Variants in MYPN observed in about 807,000 individuals in gnomAD.
MYPN encodes the protein myopalladin.
MYPN carries 63 observed loss-of-function variants against 129.4 expected under a neutral mutation model. That is an observed-to-expected ratio of 0.49 (90% confidence interval 0.40 to 0.60). MYPN has a LOEUF of 0.60. MYPN is among the 20% of genes least tolerant of loss of function. MYPN has a pLI of 0.00. For missense variants in MYPN, 1,596 were observed against 1,635.4 expected, an observed-to-expected ratio of 0.98 and a Z score of 0.42; for synonymous variants, 629 against 600.9, an observed-to-expected ratio of 1.05 and a Z score of -0.68.
intron 2 of MYPN, among the ~76,000 whole-genome samples, chr10:68,131,328 G>C (rs983973225): frequency 6.6e-6 from 1 of 151,672 alleles, no homozygotes; most frequent in African/African-American, 2.4e-5. Context: ...TGTGGGGGTT[G>C]CAGTGAGCCG....
chr10:68,190,129 A>AT (rs35612639), intron 13 of MYPN, among the ~76,000 whole-genome samples: 27,825 of 151,786 alleles, frequency 0.18, 2,943 homozygotes, highest in Middle Eastern at 0.26. Context: ...AATGTTGAAC[A>AT]TTTTTTCATA....
rs749986338 is a variant in MYPN at position 68,145,505 on chromosome 10, C to T, written c.1109C>T (p.Pro370Leu). The change falls in exon 4 of 20, where the codon CCT becomes CTT. Residue 370 changes from proline to leucine, a missense_variant. Pro to Leu is a moderately conservative substitution (Grantham distance 98, BLOSUM62 -3). Transcript: ENST00000358913. ...GVSSSDSEGD[P>L]NKEEMNRIQK... ...TCTTCTTCTGACTCAGAAGGCGACC[C>T]TAACAAGGAAGAGATGAATCGGTAA... is the stretch of plus-strand genomic sequence containing the variant. The T allele has an allele frequency of 3.7e-6, 6 of 1,613,142 alleles. No individual in the cohort carries two copies. The East Asian group carries it at 1.3e-4, about 36-fold the overall frequency.
At chr10:68,166,220 T>C (rs1411063233) in intron 9 of MYPN, 74 bp from the exon 10 acceptor site, 28 of 1,575,658 alleles carry the variant, frequency 1.8e-5, no homozygotes, top group Non-Finnish European at 2.4e-5. Flanking sequence ...GTGTGAACAC[T>C]TTCCCATTTG....
At position 68,167,833 on chromosome 10, in the gene MYPN, C is replaced by T. The variant is rs2043077563; in HGVS notation, c.1973+1167C>T. Among the ~76,000 whole-genome samples the T allele has an allele frequency of 2.0e-5, 3 of 152,236 alleles. No individual in the cohort carries two copies. In the South Asian group the frequency reaches 6.2e-4, roughly 32 times the overall value. On this transcript the variant is annotated intron_variant, in intron 10 of 19. Coordinates refer to ENST00000358913, the MANE Select transcript of MYPN (RefSeq NM_032578.4). ...TCAAAGTCCTGTCAGTCACAGGAAA[C>T]AGGAATCCACTTAAAGTAAAAAGAG...
Position 68,145,617 on chromosome 10 carries a change from AGG to A in MYPN, c.1130+93_1130+94del, listed in dbSNP as rs1330669687. 8 of 1,084,454 alleles carry A rather than the reference AGG, an allele frequency of 7.4e-6. No homozygotes were observed. The East Asian group carries it at 1.9e-4, about 26-fold the overall frequency. The allele number at this position is 1,084,454 out of a possible 1,614,324, so 67.2% of individuals were successfully genotyped here. ...ATTAATTGGTTACTAGAACTTAAGA[AGG>A]GTGGCTCCAGGGTTTGACCACAAAA... is the stretch of plus-strand genomic sequence containing the variant. On this transcript the variant is annotated intron_variant, in intron 4 of 19. Coordinates refer to ENST00000358913, the MANE Select transcript of MYPN (RefSeq NM_032578.4).
chr10:68,090,572 G>A (rs371065389), intron 1 of MYPN, among the ~76,000 whole-genome samples: 2 of 152,048 alleles, frequency 1.3e-5, no homozygotes, highest in Admixed American at 6.6e-5. Flanking sequence ...TTCATATCCC[G>A]GACTAGGAGG....
chr10:68,119,051 T>C (rs2042201222), intron 1 of MYPN, among the ~76,000 whole-genome samples: 1 of 151,998 alleles, frequency 6.6e-6, no homozygotes, highest in Non-Finnish European at 1.5e-5. Context: ...GCTAAAGAAA[T>C]AGTTGAGTTA....
At chr10:68,155,483 C>T (rs1324160122) in intron 6 of MYPN, among the ~76,000 whole-genome samples, 3 of 151,884 alleles carry the variant, frequency 2.0e-5, no homozygotes, top group Non-Finnish European at 4.4e-5. Context: ...GACTTTAGCC[C>T]AGACTCATAA....
At chr10:68,134,965 T>A (rs1358195303) in intron 2 of MYPN, among the ~76,000 whole-genome samples, 2 of 152,052 alleles carry the variant, frequency 1.3e-5, no homozygotes, top group Non-Finnish European at 2.9e-5. Flanking sequence ...TTTTATTATT[T>A]TTTTTGAAAC....
chr10:68,140,132 T>C (rs1404458191), intron 2 of MYPN, among the ~76,000 whole-genome samples: 3 of 151,488 alleles, frequency 2.0e-5, no homozygotes, highest in Non-Finnish European at 2.9e-5. Flanking sequence ...GGGAGGAGGG[T>C]TTCAGGCAGT....
intron 1 of MYPN, among the ~76,000 whole-genome samples, chr10:68,112,055 G>A (rs539962614): frequency 3.7e-4 from 57 of 152,290 alleles, no homozygotes; most frequent in African/African-American, 1.2e-3. Context: ...AGGGATTGAC[G>A]AAGTTTTCCC....
intron 18 of MYPN, 85 bp downstream of exon 18, chr10:68,202,079 C>T (rs2043725613): frequency 6.8e-7 from 1 of 1,468,072 alleles, no homozygotes; most frequent in Middle Eastern, 1.7e-4. Context: ...CTATTTGAGT[C>T]TGGCTTACTT....
rs771847142 is a variant in MYPN at position 68,197,359 on chromosome 10, T to A, written c.3166T>A (p.Ser1056Thr). The change falls in exon 16 of 20, where the codon TCC becomes ACC. Residue 1056 changes from serine to threonine, a missense_variant. Coordinates refer to ENST00000358913, the MANE Select transcript of MYPN (RefSeq NM_032578.4). ...TSAGQSHRGRSRVQERDKEPL... is the reference protein window; with the variant it reads ...TSAGQSHRGRTRVQERDKEPL... ...ACATGCTTGTTGTTATAGGGGAAGATCCCGAGTGCAAGAAAGAGACAAAGA... is the reference window on the plus strand; with the variant it reads ...ACATGCTTGTTGTTATAGGGGAAGAACCCGAGTGCAAGAAAGAGACAAAGA... 13 of 1,613,400 alleles carry A rather than the reference T, an allele frequency of 8.1e-6. No homozygotes were observed. In the South Asian group the frequency reaches 8.8e-5, roughly 11 times the overall value.
chr10:68,210,144 AG>A (rs1484239272), intron 19 of MYPN, 141 bp from the exon 20 acceptor site: 2 of 851,434 alleles, frequency 2.3e-6, no homozygotes, highest in African/African-American at 3.4e-5. Context: ...TCTACAAACG[AG>A]GCAATTCAGA....
At chr10:68,115,381 T>C (rs75531686) in intron 1 of MYPN, among the ~76,000 whole-genome samples, 8,179 of 152,194 alleles carry the variant, frequency 0.054, 567 homozygotes, top group East Asian at 0.2. Flanking sequence ...ATGATTTTGC[T>C]AATGACCTAG....
intron 2 of MYPN, among the ~76,000 whole-genome samples, chr10:68,124,318 C>T (rs75631380): frequency 0.022 from 3,315 of 152,232 alleles, 201 homozygotes; most frequent in East Asian, 0.2. Flanking sequence ...TAGAGTCCTA[C>T]AAGAGTTACT....
chr10:68,153,132 T>A lies in MYPN; in HGVS notation c.1317+3021T>A, dbSNP rs529854796. Among the ~76,000 whole-genome samples, 291 of 151,018 alleles carry A rather than the reference T, an allele frequency of 1.9e-3. 3 individuals carry two copies. The highest frequency in any genetic ancestry group is 6.8e-3 in the African/African-American group (277 of 40,472). ...TCCCAAATAGCTGGGACTATAGGTG[T>A]GCACCACCATGCCTGGCTAATTTTT... On this transcript the variant is annotated intron_variant, in intron 6 of 19. Transcript: ENST00000358913.
At chr10:68,129,513 G>GT (rs1323423082) in intron 2 of MYPN, among the ~76,000 whole-genome samples, 1 of 152,094 alleles carries the variant, frequency 6.6e-6, no homozygotes, top group East Asian at 1.9e-4. Flanking sequence ...TTGTTTACAG[G>GT]TTTTTTCCTA....
At chr10:68,140,140 A>T (rs189754441) in intron 2 of MYPN, among the ~76,000 whole-genome samples, 7 of 152,318 alleles carry the variant, frequency 4.6e-5, no homozygotes, top group Admixed American at 3.9e-4. Context: ...GGTTTCAGGC[A>T]GTGCCAAAAT....
Sources: allele counts gnomAD v4.1 joint callset (sites outside exome capture counted in the v4.1 genomes callset), GRCh38; gene constraint gnomAD v4.1.1; transcripts MANE v1.5; gene names NCBI Gene and HGNC (gene_info 2026-07-23, HGNC 2026-07-21).